Variants in SPPL2B observed in about 807,000 individuals in gnomAD.
The protein encoded by SPPL2B is signal peptide peptidase-like 2B.
Under a neutral mutation model 59.7 loss-of-function variants are expected in SPPL2B, and 39 were observed. The observed-to-expected ratio is 0.65, with a 90% confidence interval of 0.51 to 0.85. SPPL2B has a LOEUF of 0.85. SPPL2B is among the 40% of genes least tolerant of loss of function. SPPL2B has a pLI of 0.00. For synonymous variants in SPPL2B, 419 were observed against 370.8 expected (o/e 1.13, Z -1.49); for missense variants, 865 against 849.0 (o/e 1.02, Z -0.23).
intron 8 of SPPL2B, chr19:2,342,953 C>T (rs531361928): frequency 1.7e-5 from 9 of 519,762 alleles, no homozygotes; most frequent in African/African-American, 1.5e-4. Flanking sequence ...ACTGTCCTGG[C>T]TGCCGAGTGG....
Position 2,343,264 on chromosome 19 carries a change from T to C in SPPL2B, c.1010T>C (p.Leu337Pro). Residue 337 changes from leucine (L) to proline (P), a missense_variant, in exon 9 of 15, where the codon CTG becomes CCG. Coordinates refer to ENST00000613503, the MANE Select transcript of SPPL2B (RefSeq NM_152988.3). The part of the protein sequence containing the change: ...ALGIAFCLYM[L>P]KTIRLPTFKA... Reference sequence around the variant, plus strand: ...GGCATCGCCTTCTGCCTCTACATGCTGAAGACCATCCGTCTGCCCACCTTC... The same window carrying C: ...GGCATCGCCTTCTGCCTCTACATGCCGAAGACCATCCGTCTGCCCACCTTC... The C allele has an allele frequency of 6.4e-7, 1 of 1,555,636 alleles. No individual in the cohort carries two copies. The highest frequency in any genetic ancestry group is 8.7e-7 in the Non-Finnish European group (1 of 1,149,190).
chr19:2,345,536 T>C (rs1420291676), intron 13 of SPPL2B, among the ~76,000 whole-genome samples: 1 of 150,534 alleles, frequency 6.6e-6, no homozygotes, highest in Non-Finnish European at 1.5e-5. Context: ...TGCATCCCCC[T>C]CTTTCTCATT....
intron 7 of SPPL2B, 139 bp downstream of exon 7, chr19:2,340,311 C>T (rs1968951512): frequency 1.4e-6 from 1 of 718,414 alleles, no homozygotes; most frequent in Non-Finnish European, 2.2e-6. Context: ...GCCTGGGGCT[C>T]CTAGGCCCAG....
rs1968461427 is a variant in SPPL2B at position 2,334,711 on chromosome 19, T to G, written c.176T>G (p.Leu59Arg). The change falls in exon 2 of 15, where the codon CTC becomes CGC. Residue 59 changes from leucine to arginine, a missense_variant. Coordinates refer to ENST00000613503, the MANE Select transcript of SPPL2B (RefSeq NM_152988.3). The stretch of plus-strand genomic sequence containing the variant: ...CAGTGGGCCCATCTTCCGCACGACC[T>G]CAGCAAGGCAGTGAGTACCCGCTGG... ...NPQWAHLPHD[L>R]SKASFLQLRN... 2 of 1,605,052 alleles carry G rather than the reference T, an allele frequency of 1.2e-6. No individual in the cohort carries two copies. Among genetic ancestry groups the G allele is most frequent in the African/African-American group, 1.3e-5 (1 of 74,536 alleles).
At chr19:2,336,390 CTG>C (rs759527062) in intron 2 of SPPL2B, among the ~76,000 whole-genome samples, 17 of 151,140 alleles carry the variant, frequency 1.1e-4, no homozygotes, top group Non-Finnish European at 2.4e-4. Context: ...TGTAATAGGT[CTG>C]TGTGTATGTG....
In SPPL2B at chr19:2,353,234, G is replaced by A. The variant is rs780683625; in HGVS notation, c.*25G>A. On this transcript the variant is annotated 3_prime_UTR_variant, in exon 15 of 15. Transcript: ENST00000613503. ...GGGGAGGGGTGAGACGCTCGCTGCC[G>A]TGCCCGCCACACCAAGATGTTGGGG... The A allele has an allele frequency of 1.6e-5, 25 of 1,535,166 alleles. No homozygotes were observed. The highest frequency in any genetic ancestry group is 9.2e-5 in the East Asian group (4 of 43,542).
chr19:2,347,304 T>A (rs1390629350), intron 13 of SPPL2B, among the ~76,000 whole-genome samples: 1 of 92,730 alleles, frequency 1.1e-5, no homozygotes, highest in Non-Finnish European at 2.2e-5. Context: ...CCGTTCTCCT[T>A]CTCTCCACAC....
intron 2 of SPPL2B, chr19:2,337,221 G>A (rs894798986): frequency 2.0e-5 from 9 of 457,206 alleles, no homozygotes; most frequent in Non-Finnish European, 3.1e-5. Context: ...ATGTCTGTGA[G>A]GACTCCGGCC....
chr19:2,340,048 C>T (rs753411001), intron 6 of SPPL2B, 28 bp from the exon 7 acceptor site: 4 of 1,575,568 alleles, frequency 2.5e-6, no homozygotes, highest in East Asian at 2.3e-5. Flanking sequence ...CGGGCCTGGC[C>T]CCCGGCCTCA....
In SPPL2B at chr19:2,339,983, G is replaced by A. The variant is rs1222173532; in HGVS notation, c.742+17G>A. On this transcript the variant is annotated intron_variant, in intron 6 of 14. Coordinates refer to ENST00000613503, the MANE Select transcript of SPPL2B (RefSeq NM_152988.3). The stretch of plus-strand genomic sequence containing the variant: ...ATCTCCTCGGTGCGCGGCCCCGGGC[G>A]GGTGGGCCGCGGCGTGGAGATGCAG... 2 of 1,552,170 alleles carry A rather than the reference G, an allele frequency of 1.3e-6. No individual in the cohort carries two copies. The highest frequency in any genetic ancestry group is 2.0e-5 in the Admixed American group (1 of 51,054).
intron 13 of SPPL2B, among the ~76,000 whole-genome samples, chr19:2,349,105 T>C (rs1599250692): frequency 1.2e-5 from 1 of 81,078 alleles, no homozygotes. Context: ...CTCATTCGCT[T>C]GATTCCATTC....
chr19:2,338,915 G>A, intron 4 of SPPL2B, 74 bp downstream of exon 4: 1 of 1,535,498 alleles, frequency 6.5e-7, no homozygotes, highest in Non-Finnish European at 8.9e-7. Flanking sequence ...TGCCGGGGGG[G>A]TTTGTGCCTC....
chr19:2,338,237 C>G (rs1443099806), intron 3 of SPPL2B: 1 of 155,214 alleles, frequency 6.4e-6, no homozygotes, highest in Non-Finnish European at 1.4e-5. Context: ...CCTCACAGCT[C>G]TGCCTGTGGC....
In SPPL2B at chr19:2,340,051, C is replaced by A. The variant is rs1609753; in HGVS notation, c.743-25C>A. 3.2e-6 allele frequency: 5 copies of A among 1,575,702 alleles called. No individual in the cohort carries two copies. The African/African-American group carries it at 6.8e-5, about 21-fold the overall frequency. Reference sequence around the variant, plus strand: ...GAGGGTGGCGTGCGGGCCTGGCCCCCGGCCTCACGGCCCTGCCCCTGCAGT... The same window carrying A: ...GAGGGTGGCGTGCGGGCCTGGCCCCAGGCCTCACGGCCCTGCCCCTGCAGT... On this transcript the variant is annotated intron_variant, in intron 6 of 14. Transcript: ENST00000613503.
At position 2,353,215 on chromosome 19, in the gene SPPL2B, G is replaced by A. The variant is rs2145217441; in HGVS notation, c.*6G>A. 4 of 1,587,246 alleles carry A rather than the reference G, an allele frequency of 2.5e-6. No homozygotes were observed. Among genetic ancestry groups the A allele is most frequent in the Admixed American group, 1.7e-5 (1 of 57,592 alleles). On this transcript the variant is annotated 3_prime_UTR_variant, in exon 15 of 15. Coordinates refer to ENST00000613503, the MANE Select transcript of SPPL2B (RefSeq NM_152988.3). ...AGCCTGGCGCCTCGGCCTAGGGGAG[G>A]GGTGAGACGCTCGCTGCCGTGCCCG...
Position 2,351,768 on chromosome 19 carries a change from C to G in SPPL2B, c.1515+174C>G, listed in dbSNP as rs548861067. 1.8e-5 allele frequency: 11 copies of G among 620,594 alleles called. No homozygotes were observed. The African/African-American group carries it at 2.2e-4, about 13-fold the overall frequency. 38.4% of individuals were successfully genotyped at this position (620,594 alleles called of 1,614,324 possible). A position where few individuals can be genotyped will look rare whatever the true frequency, so the allele number is the denominator to read the frequency against. ...CGTGAGGCCCCGGTGGAAGGACGTG[C>G]GTGCAGCTCCTGTGCCGGGTGGGAT... On this transcript the variant is annotated intron_variant, in intron 14 of 14. Transcript: ENST00000613503.
Position 2,339,118 on chromosome 19 carries a change from T to G in SPPL2B, c.509T>G (p.Val170Gly). 6.3e-7 allele frequency: 1 copy of G among 1,581,996 alleles called. No individual in the cohort carries two copies. The highest frequency in any genetic ancestry group is 8.6e-7 in the Non-Finnish European group (1 of 1,164,318). Residue 170 changes from valine (V) to glycine (G), a missense_variant, in exon 5 of 15, where the codon GTG (valine) becomes GGG (glycine). Coordinates refer to ENST00000613503, the MANE Select transcript of SPPL2B (RefSeq NM_152988.3). ...RAALYAPKEP[V>G]LDYNMVIIFI... is the part of the protein sequence containing the mutation. ...GCGCTGTATGCGCCTAAGGAGCCGG[T>G]GCTGGACTACAACATGGTCATCATC...
rs368589592 is a variant in SPPL2B, at chr19:2,334,652, C to T, written c.117C>T (p.Pro39=). ...MVHVVSQAGG[P]EGKDYCILYN... is the part of the protein sequence containing the mutation. Reference sequence around the variant, plus strand: ...ACGTGGTCTCCCAGGCCGGGGGCCCCGAAGGCAAAGACTACTGCATCCTCT... The same window carrying T: ...ACGTGGTCTCCCAGGCCGGGGGCCCTGAAGGCAAAGACTACTGCATCCTCT... Residue 39 remains proline, a synonymous_variant, in exon 2 of 15, where the codon CCC becomes CCT. Transcript: ENST00000613503. 2.1e-5 allele frequency: 34 copies of T among 1,612,892 alleles called. No individual in the cohort carries two copies. The highest frequency in any genetic ancestry group is 6.7e-5 in the East Asian group (3 of 44,848).
intron 13 of SPPL2B, among the ~76,000 whole-genome samples, chr19:2,346,113 T>C (rs776343268): frequency 3.3e-5 from 5 of 152,270 alleles, no homozygotes; most frequent in Non-Finnish European, 7.3e-5. Context: ...ACCCACATTG[T>C]TTTGAAAAAT....
Sources: allele counts gnomAD v4.1 joint callset (sites outside exome capture counted in the v4.1 genomes callset), GRCh38; gene constraint gnomAD v4.1.1; transcripts MANE v1.5; gene names NCBI Gene and HGNC (gene_info 2026-07-23, HGNC 2026-07-21).